The following PCDH7 variants were observed in gnomAD, a reference collection of about 807,000 sequenced individuals.
The protein encoded by PCDH7 is protocadherin-7.
In PCDH7, 17 loss-of-function variants were observed where a neutral mutation model predicts 58.9. The observed-to-expected ratio is 0.29, with a 90% CI of 0.20 to 0.43. PCDH7 has a LOEUF of 0.43. Ranked by LOEUF, PCDH7 falls within the 20% of genes least tolerant of loss-of-function variation. PCDH7 has a pLI of 1.00. For synonymous variants in PCDH7, 664 were observed against 616.4 expected, an observed-to-expected ratio of 1.08 and a Z score of -1.14; for missense variants, 1,274 against 1,441.0, an observed-to-expected ratio of 0.88 and a Z score of 1.88.
downstream of PCDH7, among the ~76,000 whole-genome samples, chr4:30,736,973 C>T (rs1248344496): frequency 2.6e-5 from 4 of 152,128 alleles, no homozygotes; most frequent in Non-Finnish European, 5.9e-5. Context: ...ATGTAAGCTA[C>T]GCTAGTGAAA....
At chr4:30,779,124 G>A (rs1055997093) in intron 1 of PCDH7, among the ~76,000 whole-genome samples, 1 of 149,654 alleles carries the variant, frequency 6.7e-6, no homozygotes, top group South Asian at 2.1e-4. Context: ...GGGTTGAAGC[G>A]ATTCTCCTGC....
intron 3 of PCDH7, among the ~76,000 whole-genome samples, chr4:30,960,065 T>C (rs1312123045): frequency 1.4e-5 from 2 of 139,736 alleles, no homozygotes; most frequent in African/African-American, 5.4e-5. Flanking sequence ...ATATAGATAG[T>C]TAGAAAAGGA....
intron 1 of PCDH7, among the ~76,000 whole-genome samples, chr4:30,755,121 T>G (rs1372688358): frequency 1.3e-5 from 2 of 152,180 alleles, no homozygotes; most frequent in Non-Finnish European, 2.9e-5. Flanking sequence ...GAGCTTCTTA[T>G]GTCCGTTTAA....
intron 1 of PCDH7, among the ~76,000 whole-genome samples, chr4:30,768,555 G>A (rs954095410): frequency 1.3e-5 from 2 of 152,152 alleles, no homozygotes; most frequent in Non-Finnish European, 2.9e-5. Context: ...TGCTAAAGCA[G>A]GAAATTGGAC....
intron 3 of PCDH7, among the ~76,000 whole-genome samples, chr4:31,035,647 T>G (rs2109194703): frequency 6.6e-6 from 1 of 152,316 alleles, no homozygotes; most frequent in Non-Finnish European, 1.5e-5. Context: ...CAAATTACTT[T>G]TAGGCGAGCA....
At chr4:31,131,202 G>A (rs546882515) in intron 3 of PCDH7, among the ~76,000 whole-genome samples, 5 of 152,172 alleles carry the variant, frequency 3.3e-5, no homozygotes, top group East Asian at 1.9e-4. Context: ...CAGGCTCCCC[G>A]GGAGGTTTAA....
chr4:31,020,965 C>G (rs965605830), intron 3 of PCDH7, among the ~76,000 whole-genome samples: 3 of 152,124 alleles, frequency 2.0e-5, no homozygotes, highest in Non-Finnish European at 2.9e-5. Flanking sequence ...AATGGTAGAA[C>G]TCAAGAAGAT....
At chr4:30,838,486 T>G (rs1730792419) in intron 1 of PCDH7, among the ~76,000 whole-genome samples, 1 of 152,030 alleles carries the variant, frequency 6.6e-6, no homozygotes, top group Non-Finnish European at 1.5e-5. Flanking sequence ...CTCAAACACA[T>G]TTTAAAGGGT....
intron 1 of PCDH7, among the ~76,000 whole-genome samples, chr4:30,867,318 C>A (rs1735003764): frequency 6.6e-6 from 1 of 152,068 alleles, no homozygotes. Flanking sequence ...TCCCACAGGC[C>A]CCCTCACAGA....
At chr4:30,928,882 CT>C (rs1163948507) in intron 2 of PCDH7, among the ~76,000 whole-genome samples, 1 of 151,974 alleles carries the variant, frequency 6.6e-6, no homozygotes, top group Admixed American at 6.6e-5. Context: ...TTACTGTTAC[CT>C]TTTTATGTCT....
At chr4:30,932,017 A>C (rs1744663774) in intron 2 of PCDH7, among the ~76,000 whole-genome samples, 1 of 152,160 alleles carries the variant, frequency 6.6e-6, no homozygotes, top group Admixed American at 6.5e-5. Flanking sequence ...AAATTAAAAG[A>C]ATATGTGACT....
chr4:30,864,300 C>T (rs1302891606), intron 1 of PCDH7, among the ~76,000 whole-genome samples: 1 of 151,874 alleles, frequency 6.6e-6, no homozygotes, highest in Non-Finnish European at 1.5e-5. Context: ...TAAACAAACC[C>T]ATAATAGCAA....
intron 3 of PCDH7, among the ~76,000 whole-genome samples, chr4:31,066,919 G>A (rs1296101291): frequency 6.6e-6 from 1 of 151,758 alleles, no homozygotes; most frequent in Non-Finnish European, 1.5e-5. Flanking sequence ...ATTGCCTAAA[G>A]ACAATGCAAG....
At chr4:31,004,249 C>T (rs1752587537) in intron 3 of PCDH7, among the ~76,000 whole-genome samples, 2 of 151,860 alleles carry the variant, frequency 1.3e-5, no homozygotes, top group African/African-American at 2.4e-5. Flanking sequence ...GTGCGTCAGA[C>T]GAGAGACAGA....
At chr4:30,938,587 T>G (rs1745645037) in intron 2 of PCDH7, among the ~76,000 whole-genome samples, 1 of 152,022 alleles carries the variant, frequency 6.6e-6, no homozygotes, top group Non-Finnish European at 1.5e-5. Context: ...GAGTAATAAA[T>G]TATCCTTTCC....
At chr4:30,752,178 G>A (rs1718615598) in intron 1 of PCDH7, among the ~76,000 whole-genome samples, 1 of 151,724 alleles carries the variant, frequency 6.6e-6, no homozygotes. Flanking sequence ...GTCGCACCCA[G>A]GCTGGAGTGC....
chr4:30,808,799 T>C (rs1348923), intron 1 of PCDH7, among the ~76,000 whole-genome samples: 47,918 of 152,008 alleles, frequency 0.32, 8,839 homozygotes, highest in African/African-American at 0.52. Context: ...TCAAGACATA[T>C]GTTGCTTTTA....
At chr4:30,734,582 TACA>T (rs1183965430), downstream of PCDH7, among the ~76,000 whole-genome samples, 8 of 152,280 alleles carry the variant, frequency 5.3e-5, no homozygotes, top group East Asian at 1.9e-4. Context: ...GGAGTGAAGA[TACA>T]ACAACAACTA....
chr4:30,787,955 C>T (rs1723627264), intron 1 of PCDH7, among the ~76,000 whole-genome samples: 1 of 151,914 alleles, frequency 6.6e-6, no homozygotes, highest in Non-Finnish European at 1.5e-5. Flanking sequence ...AACAATTTGC[C>T]AATTAAATAT....
Sources: allele counts gnomAD v4.1 joint callset (sites outside exome capture counted in the v4.1 genomes callset), GRCh38; gene constraint gnomAD v4.1.1; transcripts MANE v1.5; gene names NCBI Gene and HGNC (gene_info 2026-07-23, HGNC 2026-07-21).